DIAPH2: variants seen among roughly 807,000 people sequenced by gnomAD.
DIAPH2 encodes protein diaphanous homolog 2.
A neutral mutation model predicts 92.7 loss-of-function variants in DIAPH2; 35 were observed. The observed-to-expected ratio is 0.38, with a 90% CI of 0.29 to 0.50. The LOEUF (loss-of-function observed/expected upper bound fraction) is 0.50. Among genes scored for constraint, DIAPH2 ranks in the 20% least tolerant of loss-of-function variants. The pLI, the probability that DIAPH2 is intolerant of heterozygous loss-of-function variation, is 0.94. For synonymous variants in DIAPH2, 301 were observed against 280.4 expected, an observed-to-expected ratio of 1.07 and a Z score of -0.73; for missense variants, 701 against 819.5, an observed-to-expected ratio of 0.86 and a Z score of 1.77.
At chrX:97,335,267 T>C (rs904190864) in intron 23 of DIAPH2, among the ~76,000 whole-genome samples, 1 of 111,849 alleles carries the variant, frequency 8.9e-6, no homozygotes, top group Non-Finnish European at 1.9e-5. Context: ...CTACTGAGGC[T>C]CTGCTGTTAC....
chrX:97,128,549 C>G (rs747146316), intron 21 of DIAPH2, among the ~76,000 whole-genome samples: 17 of 111,415 alleles, frequency 1.5e-4, no homozygotes, highest in Non-Finnish European at 2.4e-4. Flanking sequence ...ATGCCTCTGA[C>G]AAGACCCCAT....
At chrX:97,397,392 A>G (rs899323147) in intron 25 of DIAPH2, among the ~76,000 whole-genome samples, 3 of 111,753 alleles carry the variant, frequency 2.7e-5, no homozygotes, top group Non-Finnish European at 5.6e-5. Context: ...CAGACTAGAT[A>G]TTTCAGAGCT....
At chrX:97,115,574 A>G (rs1050958230) in intron 21 of DIAPH2, among the ~76,000 whole-genome samples, 1 of 111,442 alleles carries the variant, frequency 9.0e-6, no homozygotes, top group Non-Finnish European at 1.9e-5. Flanking sequence ...GCAGTATTAT[A>G]TTTCCTTTAC....
chrX:96,718,052 A>G (rs1029710249), intron 1 of DIAPH2, among the ~76,000 whole-genome samples: 3 of 105,941 alleles, frequency 2.8e-5, no homozygotes, highest in Non-Finnish European at 5.8e-5. Flanking sequence ...TAATTATTCA[A>G]TCTAACTTTA....
At position 97,446,663 on chromosome X, in the gene DIAPH2, G is replaced by GT. The variant is rs2070313525; in HGVS notation, c.3241+16921dup. Among the ~76,000 whole-genome samples the GT allele has an allele frequency of 3.6e-5, 4 of 110,981 alleles. No homozygotes were observed. The South Asian group carries it at 1.5e-3, about 43-fold the overall frequency. On this transcript the variant is annotated intron_variant, in intron 26 of 26. Transcript: ENST00000324765. ...AAAAGTAGGACTCTGTAGTGCATGT[G>GT]TTTATCTGTTTACCTAAACTGAAGT...
At chrX:96,829,098 C>T (rs1206830925) in intron 4 of DIAPH2, among the ~76,000 whole-genome samples, 1 of 111,906 alleles carries the variant, frequency 8.9e-6, no homozygotes, top group African/African-American at 3.2e-5. Context: ...ATCACTTTGT[C>T]AAAGAAACCT....
chrX:96,688,930 G>A (rs750825149), intron 1 of DIAPH2, among the ~76,000 whole-genome samples: 14 of 109,265 alleles, frequency 1.3e-4, no homozygotes, highest in East Asian at 2.9e-4. Flanking sequence ...CAGCCTTGGC[G>A]ACAGAGAACC....
Position 96,685,648 on chromosome X carries a change from A to G in DIAPH2, c.132+458A>G, listed in dbSNP as rs188672371. On this transcript the variant is annotated intron_variant, in intron 1 of 26. Coordinates refer to ENST00000324765, the MANE Select transcript of DIAPH2 (RefSeq NM_006729.5). ...AGCCCACCTACAGCTTCGCAAATCA[A>G]GAAGAACACTATTTATGCTCCCAGT... 5.3e-3 allele frequency among the ~76,000 whole-genome samples: 597 copies of G among 112,307 alleles called. 2 individuals are homozygous for G. The highest frequency in any genetic ancestry group is 0.019 in the African/African-American group (573 of 30,916).
At chrX:96,900,685 G>A (rs757189769) in intron 5 of DIAPH2, among the ~76,000 whole-genome samples, 1 of 111,593 alleles carries the variant, frequency 9.0e-6, no homozygotes, top group Admixed American at 9.5e-5. Context: ...TTTATCAAAT[G>A]CTCTTTCTGC....
chrX:97,361,387 C>A (rs777884374), intron 24 of DIAPH2, among the ~76,000 whole-genome samples: 1 of 111,675 alleles, frequency 9.0e-6, no homozygotes, highest in East Asian at 2.8e-4. Context: ...ACTATAAGTG[C>A]TTGTGTATGT....
chrX:96,735,418 C>A (rs1260241313), intron 1 of DIAPH2, among the ~76,000 whole-genome samples: 1 of 110,995 alleles, frequency 9.0e-6, no homozygotes, highest in Non-Finnish European at 1.9e-5. Context: ...CTTGAGGATT[C>A]ATTTCCAAAC....
At chrX:96,947,074 A>G (rs1202250295) in intron 14 of DIAPH2, among the ~76,000 whole-genome samples, 3 of 111,747 alleles carry the variant, frequency 2.7e-5, no homozygotes, top group African/African-American at 9.7e-5. Flanking sequence ...CTCTCTTTAG[A>G]TCTTAGTTTC....
chrX:97,252,020 T>A (rs185132279), intron 23 of DIAPH2, among the ~76,000 whole-genome samples: 1 of 111,967 alleles, frequency 8.9e-6, no homozygotes, highest in Non-Finnish European at 1.9e-5. Flanking sequence ...TACCAATCCT[T>A]GCTTCTTCTG....
At chrX:97,072,853 T>C in intron 17 of DIAPH2, 88 bp from the exon 18 acceptor site, 1 of 494,795 alleles carries the variant, frequency 2.0e-6, no homozygotes, top group Admixed American at 4.7e-5. Flanking sequence ...ATGAGCTTTA[T>C]TAATGTAGTT....
At chrX:96,731,070 C>G (rs1166474312) in intron 1 of DIAPH2, among the ~76,000 whole-genome samples, 1 of 110,890 alleles carries the variant, frequency 9.0e-6, no homozygotes, top group East Asian at 2.9e-4. Context: ...TCAGTTAAGG[C>G]AAGGACCAGC....
At chrX:97,337,859 A>G (rs1397218328) in intron 23 of DIAPH2, among the ~76,000 whole-genome samples, 4 of 106,107 alleles carry the variant, frequency 3.8e-5, no homozygotes, top group African/African-American at 7.0e-5. Context: ...GCCATGCCTC[A>G]GTTTTATAAT....
chrX:97,217,546 C>G (rs1226685230), intron 22 of DIAPH2, among the ~76,000 whole-genome samples: 1 of 112,313 alleles, frequency 8.9e-6, no homozygotes, highest in Non-Finnish European at 1.9e-5. Flanking sequence ...AGCCACTATT[C>G]TGTCCATGCC....
At chrX:97,255,335 C>T (rs987056651) in intron 23 of DIAPH2, among the ~76,000 whole-genome samples, 1 of 111,924 alleles carries the variant, frequency 8.9e-6, no homozygotes, top group Non-Finnish European at 1.9e-5. Flanking sequence ...CTCCAGAAAG[C>T]CTTCCCTAAT....
chrX:97,506,014 C>G (rs2070829507), intron 26 of DIAPH2, among the ~76,000 whole-genome samples: 1 of 110,131 alleles, frequency 9.1e-6, no homozygotes, highest in Non-Finnish European at 1.9e-5. Context: ...AATACTTTTT[C>G]CACCTCATAG....
Sources: gnomAD v4.1 joint callset for allele counts (sites outside exome capture counted in the v4.1 genomes callset) on GRCh38, gnomAD v4.1.1 for gene constraint, MANE v1.5 for transcripts, NCBI Gene and HGNC (gene_info 2026-07-23, HGNC 2026-07-21) for gene names.